Variants in MEI4 observed in about 807,000 individuals in gnomAD.
The protein encoded by MEI4 is meiosis-specific protein MEI4.
In MEI4, 27 loss-of-function variants were observed where a neutral mutation model predicts 31.4. The ratio of observed to expected loss-of-function variants is 0.86; its 90% CI spans 0.63 to 1.19. The LOEUF (loss-of-function observed/expected upper bound fraction) is 1.19, where lower values mean the gene tolerates loss of function less well. Ranked by LOEUF, MEI4 falls within the 50% of genes most tolerant of loss-of-function variation. The pLI is 0.00. For missense variants in MEI4, 329 were observed against 398.9 expected (o/e 0.82, Z 1.49); for synonymous variants, 122 against 145.4 (o/e 0.84, Z 1.16).
At chr6:77,902,424 T>A (rs996959773) in intron 4 of MEI4, among the ~76,000 whole-genome samples, 1 of 152,148 alleles carries the variant, frequency 6.6e-6, no homozygotes, top group Non-Finnish European at 1.5e-5. Flanking sequence ...TTTTTTCACC[T>A]CCTTGGTTAA....
chr6:77,917,082 C>A (rs937575217), intron 4 of MEI4, among the ~76,000 whole-genome samples: 1 of 151,682 alleles, frequency 6.6e-6, no homozygotes, highest in South Asian at 2.1e-4. Flanking sequence ...CATCCATGTC[C>A]CTACAAAGGA....
At chr6:77,808,850 G>A (rs1478689234) in intron 3 of MEI4, among the ~76,000 whole-genome samples, 1 of 152,150 alleles carries the variant, frequency 6.6e-6, no homozygotes. Context: ...AGCTAGAATG[G>A]TTTTTCAAGG....
At chr6:77,827,496 C>G (rs1464456865) in intron 3 of MEI4, among the ~76,000 whole-genome samples, 2 of 151,930 alleles carry the variant, frequency 1.3e-5, no homozygotes, top group East Asian at 3.9e-4. Flanking sequence ...TACTTCTTTT[C>G]CTTGGTGATG....
intron 3 of MEI4, among the ~76,000 whole-genome samples, chr6:77,791,802 T>C (rs1319128691): frequency 6.6e-6 from 1 of 152,176 alleles, no homozygotes; most frequent in Admixed American, 6.5e-5. Context: ...TAATCTCTAG[T>C]AATTTTCAAG....
intron 2 of MEI4, among the ~76,000 whole-genome samples, chr6:77,712,888 G>A (rs930581545): frequency 3.3e-5 from 5 of 151,680 alleles, no homozygotes; most frequent in South Asian, 2.1e-4. Context: ...GGAGAATGGC[G>A]TAAACCCGGG....
At chr6:77,824,934 T>C (rs1035651749) in intron 3 of MEI4, among the ~76,000 whole-genome samples, 11 of 152,166 alleles carry the variant, frequency 7.2e-5, no homozygotes, top group Non-Finnish European at 1.3e-4. Context: ...CATGCATCCA[T>C]AGACAGTCCT....
chr6:77,903,513 C>A (rs1762522684), intron 4 of MEI4, among the ~76,000 whole-genome samples: 2 of 152,106 alleles, frequency 1.3e-5, no homozygotes, highest in African/African-American at 4.8e-5. Flanking sequence ...ATATTTTCAA[C>A]TTACAATGGG....
intron 3 of MEI4, among the ~76,000 whole-genome samples, chr6:77,803,178 T>C (rs1364685913): frequency 6.6e-6 from 1 of 152,204 alleles, no homozygotes; most frequent in Non-Finnish European, 1.5e-5. Context: ...TTTCTTTTTA[T>C]ACTTTTTTCT....
intron 3 of MEI4, among the ~76,000 whole-genome samples, chr6:77,784,805 A>G (rs1425888161): frequency 2.0e-5 from 3 of 152,196 alleles, no homozygotes; most frequent in East Asian, 1.9e-4. Flanking sequence ...TTTATATCCC[A>G]TGATAAATGG....
At chr6:77,888,766 C>A (rs1771685214) in intron 4 of MEI4, among the ~76,000 whole-genome samples, 1 of 152,084 alleles carries the variant, frequency 6.6e-6, no homozygotes, top group South Asian at 2.1e-4. Flanking sequence ...TGTTCCCACC[C>A]AAATCTCATC....
chr6:77,786,773 G>A (rs1208365805), intron 3 of MEI4, among the ~76,000 whole-genome samples: 1 of 151,894 alleles, frequency 6.6e-6, no homozygotes, highest in Non-Finnish European at 1.5e-5. Flanking sequence ...TTGAAAGTTG[G>A]TTAAGAAAAA....
chr6:77,827,360 T>TAAA (rs57446339), intron 3 of MEI4, among the ~76,000 whole-genome samples: 36 of 67,786 alleles, frequency 5.3e-4, no homozygotes, highest in African/African-American at 1.4e-3. Context: ...GACTCCATCT[T>TAAA]AAAAAAAAAA....
At chr6:77,694,632 T>A (rs1174243020) in intron 2 of MEI4, among the ~76,000 whole-genome samples, 1 of 152,176 alleles carries the variant, frequency 6.6e-6, no homozygotes, top group Non-Finnish European at 1.5e-5. Context: ...ATGGTGTATA[T>A]GTGCCACATT....
intron 4 of MEI4, among the ~76,000 whole-genome samples, chr6:77,833,500 T>G (rs1562005964): frequency 6.6e-6 from 1 of 152,198 alleles, no homozygotes; most frequent in Non-Finnish European, 1.5e-5. Context: ...TACTGAAAGC[T>G]CTCATCAATA....
At chr6:77,899,937 A>G (rs12202257) in intron 4 of MEI4, among the ~76,000 whole-genome samples, 47,039 of 151,746 alleles carry the variant, frequency 0.31, 8,028 homozygotes, top group South Asian at 0.38. Flanking sequence ...ACCAGAAAAA[A>G]AAAAACAGGA....
At chr6:77,699,500 C>G (rs1225442214) in intron 2 of MEI4, among the ~76,000 whole-genome samples, 2 of 152,094 alleles carry the variant, frequency 1.3e-5, no homozygotes, top group Admixed American at 6.5e-5. Context: ...CCCAAAGTTT[C>G]TATCTTCTTT....
At chr6:77,746,922 C>G (rs923658003) in intron 2 of MEI4, among the ~76,000 whole-genome samples, 4 of 152,014 alleles carry the variant, frequency 2.6e-5, no homozygotes, top group Non-Finnish European at 5.9e-5. Context: ...TTGTTCAGTT[C>G]TATAAAGTTT....
chr6:77,712,927 G>T (rs9341684), intron 2 of MEI4, among the ~76,000 whole-genome samples: 4 of 151,096 alleles, frequency 2.6e-5, no homozygotes, highest in East Asian at 2.0e-4. Context: ...GCCGAGATAG[G>T]GCCACTGCAT....
At chr6:77,772,404 T>A (rs1279354059) in intron 3 of MEI4, among the ~76,000 whole-genome samples, 1 of 152,018 alleles carries the variant, frequency 6.6e-6, no homozygotes, top group Non-Finnish European at 1.5e-5. Flanking sequence ...GATGCAAGGA[T>A]GGTTCAGCAT....
Sources: gnomAD v4.1 joint callset for allele counts (sites outside exome capture counted in the v4.1 genomes callset) on GRCh38, gnomAD v4.1.1 for gene constraint, MANE v1.5 for transcripts, NCBI Gene and HGNC (gene_info 2026-07-23, HGNC 2026-07-21) for gene names.